Variants in LRRFIP1 observed in about 807,000 individuals in gnomAD.
LRRFIP1 encodes the protein LRR binding FLII interacting protein 1, also known as leucine-rich repeat flightless-interacting protein 1.
A neutral mutation model predicts 104.4 loss-of-function variants in LRRFIP1; 62 were observed. That is an observed-to-expected ratio of 0.59 (90% CI 0.48 to 0.73). The LOEUF is 0.73. Among genes scored for constraint, LRRFIP1 ranks in the 30% least tolerant of loss-of-function variants. The pLI, the probability that LRRFIP1 is intolerant of heterozygous loss-of-function variation, is 0.00. For synonymous variants in LRRFIP1, 300 were observed against 299.0 expected, an observed-to-expected ratio of 1.00 and a Z score of -0.03; for missense variants, 796 against 824.5, an observed-to-expected ratio of 0.97 and a Z score of 0.42.
chr2:237,764,061 A>G (rs1429414540), intron 19 of LRRFIP1: 1 of 1,614,236 alleles, frequency 6.2e-7, no homozygotes, highest in Non-Finnish European at 8.5e-7. Context: ...GAGCCAGGGC[A>G]CTTCAATCCA....
At chr2:237,748,854 A>G (rs1289924878) in intron 12 of LRRFIP1, among the ~76,000 whole-genome samples, 1 of 152,218 alleles carries the variant, frequency 6.6e-6, no homozygotes, top group Non-Finnish European at 1.5e-5. Flanking sequence ...GAGACTGGGT[A>G]ATTTACAAAG....
chr2:237,741,920 C>T (rs762525712), intron 11 of LRRFIP1, among the ~76,000 whole-genome samples: 1 of 152,206 alleles, frequency 6.6e-6, no homozygotes, highest in East Asian at 1.9e-4. Flanking sequence ...TCAGTGAATC[C>T]CAAACACGCT....
At chr2:237,642,591 G>T (rs1454144151) in intron 1 of LRRFIP1, among the ~76,000 whole-genome samples, 1 of 152,056 alleles carries the variant, frequency 6.6e-6, no homozygotes, top group African/African-American at 2.4e-5. Flanking sequence ...CCCAGTTCCA[G>T]GTTTCAGGCT....
chr2:237,763,493 G>C (rs2060068608), intron 19 of LRRFIP1: 3 of 1,613,642 alleles, frequency 1.9e-6, no homozygotes, highest in Non-Finnish European at 1.7e-6. Context: ...TGTTAAAAAA[G>C]AGTTAACGTA....
In LRRFIP1 at chr2:237,769,964, T is replaced by G; in HGVS notation, c.1481T>G (p.Val494Gly). The change falls in exon 20 of 24, where the codon GTT (valine) becomes GGT (glycine). Residue 494 changes from valine (V) to glycine (G), a missense_variant. Val to Gly is a moderately radical substitution (Grantham distance 109). Transcript: ENST00000308482. ...GTLDIRLKKLVDERECLLEQI... is the reference protein window; with the variant it reads ...GTLDIRLKKLGDERECLLEQI... ...TTAGATATTAGGTTGAAAAAGCTGG[T>G]TGATGAACGGGAATGCTTATTGGAA... is the stretch of plus-strand genomic sequence containing the variant. The G allele has an allele frequency of 6.2e-7, 1 of 1,605,416 alleles. No individual in the cohort carries two copies. Among genetic ancestry groups the G allele is most frequent in the Non-Finnish European group, 8.5e-7 (1 of 1,175,374 alleles).
intron 1 of LRRFIP1, among the ~76,000 whole-genome samples, chr2:237,670,490 C>T (rs2090162604): frequency 6.6e-6 from 1 of 152,248 alleles, no homozygotes; most frequent in Non-Finnish European, 1.5e-5. Context: ...GTCTGCTGAG[C>T]TGAATTGAAG....
intron 1 of LRRFIP1, among the ~76,000 whole-genome samples, chr2:237,630,162 T>C (rs2082151001): frequency 6.6e-6 from 1 of 152,196 alleles, no homozygotes; most frequent in Non-Finnish European, 1.5e-5. Context: ...TAGCACAGAT[T>C]GATAGGGTTG....
intron 1 of LRRFIP1, among the ~76,000 whole-genome samples, chr2:237,704,110 G>T (rs892778375): frequency 1.3e-5 from 2 of 150,924 alleles, no homozygotes; most frequent in African/African-American, 4.9e-5. Flanking sequence ...ATTCTTCGCA[G>T]TGTCTCTGGG....
At chr2:237,662,487 C>T (rs1316473802) in intron 1 of LRRFIP1, among the ~76,000 whole-genome samples, 3 of 151,886 alleles carry the variant, frequency 2.0e-5, no homozygotes, top group Non-Finnish European at 4.4e-5. Flanking sequence ...CTCTTAACCC[C>T]TTAGAAAAGA....
intron 1 of LRRFIP1, among the ~76,000 whole-genome samples, chr2:237,689,281 C>G (rs1264706006): frequency 1.3e-5 from 2 of 152,092 alleles, no homozygotes; most frequent in African/African-American, 4.8e-5. Context: ...CTAAAAACAC[C>G]AAGAAAGATG....
chr2:237,631,356 G>T (rs2082314008), intron 1 of LRRFIP1, among the ~76,000 whole-genome samples: 1 of 152,230 alleles, frequency 6.6e-6, no homozygotes, highest in Non-Finnish European at 1.5e-5. Flanking sequence ...GACTCGTGGT[G>T]GGGGCAGCCT....
In LRRFIP1 at chr2:237,678,364, G is replaced by A. The variant is rs79875341; in HGVS notation, c.97-30180G>A. ...CAGGGGGTACACAGCAGGCTGTGCA[G>A]AGTAGGGCAAGGTAGAAGCCCTGGG... On this transcript the variant is annotated intron_variant, in intron 1 of 23. Coordinates refer to ENST00000308482, the MANE Select transcript of LRRFIP1 (RefSeq NM_001137550.2). 3.3e-4 allele frequency among the ~76,000 whole-genome samples: 51 copies of A among 152,324 alleles called. 1 individual carries two copies. In the East Asian group the frequency reaches 9.3e-3, roughly 28 times the overall value.
At chr2:237,741,078 C>T (rs1400682124) in intron 11 of LRRFIP1, among the ~76,000 whole-genome samples, 1 of 152,190 alleles carries the variant, frequency 6.6e-6, no homozygotes, top group Non-Finnish European at 1.5e-5. Context: ...TTCCACCCCT[C>T]CCCATCCCAG....
intron 19 of LRRFIP1, chr2:237,762,938 A>G: frequency 1.2e-6 from 2 of 1,614,236 alleles, no homozygotes; most frequent in Non-Finnish European, 1.7e-6. Context: ...TGAGCCATCC[A>G]ACTGTTGGAG....
chr2:237,702,458 A>G (rs1438620733), intron 1 of LRRFIP1, among the ~76,000 whole-genome samples: 1 of 152,234 alleles, frequency 6.6e-6, no homozygotes, highest in East Asian at 1.9e-4. Flanking sequence ...TGGACCAACC[A>G]TTGTGGGCAT....
At chr2:237,732,242 C>T (rs1212264394) in intron 8 of LRRFIP1, among the ~76,000 whole-genome samples, 1 of 152,098 alleles carries the variant, frequency 6.6e-6, no homozygotes, top group Non-Finnish European at 1.5e-5. Flanking sequence ...AGGTAATCGT[C>T]TCTGAACTCA....
At chr2:237,692,282 G>T (rs1318629977) in intron 1 of LRRFIP1, 3 of 1,177,440 alleles carry the variant, frequency 2.5e-6, no homozygotes, top group South Asian at 4.3e-5. Flanking sequence ...GCCCAGCGCC[G>T]CGAGCCGCTC....
chr2:237,756,425 C>T (rs1407329923), intron 16 of LRRFIP1, among the ~76,000 whole-genome samples: 2 of 152,214 alleles, frequency 1.3e-5, no homozygotes, highest in African/African-American at 2.4e-5. Context: ...CTTCCTCCAA[C>T]GGTGGAGAAA....
At chr2:237,687,783 A>T (rs1229126776) in intron 1 of LRRFIP1, among the ~76,000 whole-genome samples, 1 of 152,204 alleles carries the variant, frequency 6.6e-6, no homozygotes, top group Non-Finnish European at 1.5e-5. Flanking sequence ...CATGTTAGTT[A>T]TCTGACTAAT....
Sources: allele counts gnomAD v4.1 joint callset (sites outside exome capture counted in the v4.1 genomes callset), GRCh38; gene constraint gnomAD v4.1.1; transcripts MANE v1.5; gene names NCBI Gene and HGNC (gene_info 2026-07-23, HGNC 2026-07-21).